RNPC3: variants seen among roughly 807,000 people sequenced by gnomAD.
RNPC3 encodes the protein RNA-binding region-containing protein 3.
In RNPC3, 48 loss-of-function variants were observed where a neutral mutation model predicts 67.5. That is an observed-to-expected ratio of 0.71 (90% CI 0.56 to 0.90). The LOEUF is 0.90. Ranked by LOEUF, RNPC3 falls within the 40% of genes least tolerant of loss-of-function variation. RNPC3 has a pLI of 0.00. For synonymous variants in RNPC3, 239 were observed against 210.3 expected (o/e 1.14, Z -1.18); for missense variants, 637 against 626.1 (o/e 1.02, Z -0.19).
At chr1:103,543,000 A>G (rs1414987267) in intron 8 of RNPC3, among the ~76,000 whole-genome samples, 1 of 151,746 alleles carries the variant, frequency 6.6e-6, no homozygotes, top group Non-Finnish European at 1.5e-5. Flanking sequence ...CCTGGTGTTT[A>G]GAATCAAGAG....
intron 7 of RNPC3, among the ~76,000 whole-genome samples, chr1:103,539,406 A>G (rs774073516): frequency 1.3e-5 from 2 of 152,276 alleles, no homozygotes; most frequent in African/African-American, 2.4e-5. Flanking sequence ...TGAATACACT[A>G]TCTGTCTTAA....
At chr1:103,537,820 C>T (rs1227527513) in intron 7 of RNPC3, among the ~76,000 whole-genome samples, 5 of 151,790 alleles carry the variant, frequency 3.3e-5, no homozygotes, top group South Asian at 2.1e-4. Context: ...AATCAATAAT[C>T]GACGTGCTTT....
At position 103,526,088 on chromosome 1, in the gene RNPC3, G is replaced by T. The variant is rs1196826620; in HGVS notation, c.18G>T (p.Gln6His). The T allele has an allele frequency of 6.5e-7, 1 of 1,540,982 alleles. No homozygotes were observed. The highest frequency in any genetic ancestry group is 1.4e-5 in the African/African-American group (1 of 72,864). The change falls in exon 1 of 15, where the codon CAG becomes CAT. Residue 6 changes from glutamine to histidine, a missense_variant. By Grantham distance (24) the Gln-to-His change is conservative (BLOSUM62 0). Coordinates refer to ENST00000423855, the MANE Select transcript of RNPC3 (RefSeq NM_017619.4). ...CAAGGAAAATGGCAGCTCCCGAGCA[G>T]CCGCTTGCGATATCAAGGGGATGCA... Reference protein sequence around the residue: MAAPEQPLAISRGCTS... With the variant: MAAPEHPLAISRGCTS...
intron 2 of RNPC3, among the ~76,000 whole-genome samples, 158 bp from the exon 3 acceptor site, chr1:103,533,581 A>G (rs1650911506): frequency 6.6e-6 from 1 of 151,978 alleles, no homozygotes; most frequent in African/African-American, 2.4e-5. Flanking sequence ...TTTAATAAGT[A>G]ATAAAGGCTT....
chr1:103,551,665 A>T, intron 13 of RNPC3, 56 bp from the exon 14 acceptor site: 1 of 1,161,426 alleles, frequency 8.6e-7, no homozygotes, highest in Non-Finnish European at 1.2e-6. Flanking sequence ...TTTGAGAATT[A>T]TTTAGAAAAG....
At chr1:103,534,989 T>C (rs993319872) in intron 4 of RNPC3, 132 bp downstream of exon 4, 50 of 556,262 alleles carry the variant, frequency 9.0e-5, no homozygotes, top group Middle Eastern at 9.1e-4. Context: ...TATTGTGTTA[T>C]ATACAGATAT....
chr1:103,531,979 T>G (rs1489954436), intron 2 of RNPC3, among the ~76,000 whole-genome samples: 2 of 152,228 alleles, frequency 1.3e-5, no homozygotes, highest in Non-Finnish European at 2.9e-5. Flanking sequence ...ATTTAAGTCC[T>G]TGATCCATCT....
At position 103,552,028 on chromosome 1, in the gene RNPC3, C is replaced by CT. The variant is rs1391480587; in HGVS notation, c.*12+243dup. The CT allele has an allele frequency of 2.1e-5, 6 of 292,550 alleles. No individual in the cohort carries two copies. In the East Asian group the frequency reaches 2.6e-4, roughly 13 times the overall value. 18.1% of individuals were successfully genotyped at this position (292,550 alleles called of 1,614,324 possible). ...TTATAAGGGGAGTGTGCCTGTTACTCTTTTTTTAACTTTTTCTGCCTATAG... is the reference window on the plus strand; with the variant it reads ...TTATAAGGGGAGTGTGCCTGTTACTCTTTTTTTTAACTTTTTCTGCCTATAG... On this transcript the variant is annotated intron_variant, in intron 14 of 14. Transcript: ENST00000423855.
chr1:103,551,294 T>A, intron 13 of RNPC3: 2 of 481,248 alleles, frequency 4.2e-6, no homozygotes, highest in African/African-American at 2.0e-5. Flanking sequence ...TTCAGCCAAG[T>A]TTAAATGTTT....
intron 2 of RNPC3, among the ~76,000 whole-genome samples, chr1:103,533,359 T>C (rs149154197): frequency 5.9e-5 from 9 of 152,084 alleles, no homozygotes; most frequent in African/African-American, 1.9e-4. Context: ...GAGATATAGG[T>C]GGAAAAAATA....
Position 103,543,386 on chromosome 1 carries a change from C to G in RNPC3, c.984C>G (p.Asp328Glu). The change falls in exon 9 of 15, where the codon GAC (aspartate) becomes GAG (glutamate). Residue 328 changes from aspartate to glutamate, a missense_variant. Physicochemically the swap from Asp to Glu is conservative, Grantham distance 45. Transcript: ENST00000423855. ...NKRIEFHISTDMPAAFKKDLE... is the reference protein window; with the variant it reads ...NKRIEFHISTEMPAAFKKDLE... Reference sequence around the variant, plus strand: ...GAATTGAATTCCATATATCTACCGACATGCCAGCTGCATTTAAGAAAGATT... The same window carrying G: ...GAATTGAATTCCATATATCTACCGAGATGCCAGCTGCATTTAAGAAAGATT... 1 of 1,520,748 alleles carries G rather than the reference C, an allele frequency of 6.6e-7. No individual in the cohort carries two copies. Among genetic ancestry groups the G allele is most frequent in the South Asian group, 1.2e-5 (1 of 81,420 alleles). The allele number at this position is 1,520,748 out of a possible 1,614,324, so 94.2% of individuals were successfully genotyped here. A position where few individuals can be genotyped will look rare whatever the true frequency, so the allele number is the denominator to read the frequency against.
chr1:103,543,267 A>C (rs763903797), intron 8 of RNPC3, 29 bp from the exon 9 acceptor site: 1 of 1,354,506 alleles, frequency 7.4e-7, no homozygotes, highest in Non-Finnish European at 9.5e-7. Flanking sequence ...TTGCAATTAC[A>C]AACTAATGCT....
intron 13 of RNPC3, 77 bp downstream of exon 13, chr1:103,551,150 C>T: frequency 7.7e-7 from 1 of 1,300,296 alleles, no homozygotes; most frequent in Non-Finnish European, 1.0e-6. Context: ...TCATGTTACC[C>T]TTTAGAAATT....
rs750382867 is a variant in RNPC3 at position 103,550,030 on chromosome 1, G to A, written c.1362-911G>A. Among the ~76,000 whole-genome samples the A allele has an allele frequency of 2.7e-4, 41 of 151,876 alleles. 1 individual carries two copies. Among genetic ancestry groups the A allele is most frequent in the Admixed American group, 1.2e-3 (19 of 15,244 alleles). On this transcript the variant is annotated intron_variant, in intron 12 of 14. Coordinates refer to ENST00000423855, the MANE Select transcript of RNPC3 (RefSeq NM_017619.4). ...AATACAAAAATTAGCCAAGCATGGC[G>A]GTAGACGGCTGTAATCCCAGCTACC...
intron 2 of RNPC3, among the ~76,000 whole-genome samples, chr1:103,531,454 A>T (rs1650855459): frequency 6.6e-6 from 1 of 152,218 alleles, no homozygotes. Flanking sequence ...GTACTAGTTT[A>T]CATTACCACC....
At chr1:103,551,973 T>A (rs1445506154) in intron 14 of RNPC3, 181 bp downstream of exon 14, 4 of 417,350 alleles carry the variant, frequency 9.6e-6, no homozygotes, top group Non-Finnish European at 1.3e-5. Flanking sequence ...AACCCATTTA[T>A]ATGTGAAAAT....
chr1:103,534,156 CAG>C (rs1345528542), intron 3 of RNPC3, among the ~76,000 whole-genome samples: 2 of 151,930 alleles, frequency 1.3e-5, no homozygotes, highest in African/African-American at 4.8e-5. Flanking sequence ...GTCTTTGTAT[CAG>C]AGATATAACA....
At chr1:103,537,521 A>G (rs1472366112) in intron 7 of RNPC3, 37 bp downstream of exon 7, 5 of 1,500,232 alleles carry the variant, frequency 3.3e-6, no homozygotes, top group Non-Finnish European at 4.5e-6. Context: ...TTTCCAAGAA[A>G]CATAGAATGT....
At chr1:103,551,992 G>A (rs1169217096) in intron 14 of RNPC3, 200 bp downstream of exon 14, 3 of 391,768 alleles carry the variant, frequency 7.7e-6, no homozygotes, top group Non-Finnish European at 1.4e-5. Flanking sequence ...ATTAAGTTTG[G>A]AGAATGAATC....
Sources: allele counts gnomAD v4.1 joint callset (sites outside exome capture counted in the v4.1 genomes callset), GRCh38; gene constraint gnomAD v4.1.1; transcripts MANE v1.5; gene names NCBI Gene and HGNC (gene_info 2026-07-23, HGNC 2026-07-21).